Variants in MGAT4C observed in about 807,000 individuals in gnomAD.
MGAT4C encodes the protein MGAT4 family member C.
A neutral mutation model predicts 40.1 loss-of-function variants in MGAT4C; 19 were observed. That is an observed-to-expected ratio of 0.47 (90% CI 0.33 to 0.70). The LOEUF (loss-of-function observed/expected upper bound fraction) is 0.70, where lower values mean the gene tolerates loss of function less well. MGAT4C is among the 30% of genes least tolerant of loss of function. The pLI is 0.02. For missense variants in MGAT4C, 491 were observed against 563.2 expected (o/e 0.87, Z 1.30); for synonymous variants, 181 against 187.1 (o/e 0.97, Z 0.27).
At chr12:86,420,009 A>G (rs926362193) in intron 3 of MGAT4C, among the ~76,000 whole-genome samples, 2 of 48,562 alleles carry the variant, frequency 4.1e-5, no homozygotes, top group Admixed American at 5.0e-4. Flanking sequence ...TAAAGACCAT[A>G]ATTTTTTTTT....
intron 2 of MGAT4C, among the ~76,000 whole-genome samples, chr12:86,637,457 G>T (rs575263459): frequency 6.6e-6 from 1 of 151,938 alleles, no homozygotes; most frequent in African/African-American, 2.4e-5. Flanking sequence ...TTGAGTTTTA[G>T]CCTAGTAGCC....
intron 2 of MGAT4C, among the ~76,000 whole-genome samples, chr12:86,534,423 T>C (rs1959037280): frequency 6.6e-6 from 1 of 152,148 alleles, no homozygotes; most frequent in Non-Finnish European, 1.5e-5. Flanking sequence ...GATGTCTGCC[T>C]GTAACTTCTG....
intron 1 of MGAT4C, among the ~76,000 whole-genome samples, chr12:86,770,168 T>G (rs1951605577): frequency 6.6e-6 from 1 of 152,030 alleles, no homozygotes; most frequent in African/African-American, 2.4e-5. Flanking sequence ...AGAACGTTAG[T>G]ATTCTATGAA....
chr12:86,024,406 A>C (rs562150039), intron 2 of MGAT4C, among the ~76,000 whole-genome samples: 1 of 151,942 alleles, frequency 6.6e-6, no homozygotes, highest in South Asian at 2.1e-4. Context: ...TATAGAGCAA[A>C]AATTCTGGAA....
chr12:86,317,403 C>T (rs1013560124), intron 4 of MGAT4C, among the ~76,000 whole-genome samples: 7 of 151,964 alleles, frequency 4.6e-5, no homozygotes, highest in Non-Finnish European at 1.0e-4. Flanking sequence ...GATGTGTAAA[C>T]ATTTCTGGTA....
intron 1 of MGAT4C, among the ~76,000 whole-genome samples, chr12:86,137,833 C>G (rs1379699885): frequency 1.3e-5 from 2 of 152,122 alleles, no homozygotes; most frequent in Non-Finnish European, 2.9e-5. Context: ...ACAGACAGTA[C>G]GTGGGAGCCA....
At chr12:86,257,066 T>C (rs1383748451), upstream of MGAT4C, among the ~76,000 whole-genome samples, 2 of 152,308 alleles carry the variant, frequency 1.3e-5, no homozygotes, top group East Asian at 3.9e-4. Context: ...ATGTTAAATA[T>C]TGGTTTTTAC....
rs797007701 is a variant in MGAT4C, at chr12:86,685,290, G to A, written c.-229+41919C>T. Among the ~76,000 whole-genome samples the A allele has an allele frequency of 7.2e-5, 11 of 152,198 alleles. 1 individual carries two copies. Among genetic ancestry groups the A allele is most frequent in the African/African-American group, 2.4e-4 (10 of 41,514 alleles). On this transcript the variant is annotated intron_variant, in intron 2 of 7. Coordinates refer to the MGAT4C transcript ENST00000548651. ...TTTCCCAACACCATTTATTAAATAG[G>A]GAATCCTTTCCCCATTTCTTGTTTT... is the stretch of plus-strand genomic sequence containing the variant.
At chr12:86,492,656 T>C (rs1372844301) in intron 2 of MGAT4C, among the ~76,000 whole-genome samples, 1 of 152,132 alleles carries the variant, frequency 6.6e-6, no homozygotes, top group African/African-American at 2.4e-5. Flanking sequence ...TCAAGATGGA[T>C]TAAAGACTTA....
chr12:86,768,109 T>C (rs897714237), intron 1 of MGAT4C, among the ~76,000 whole-genome samples: 5 of 152,134 alleles, frequency 3.3e-5, no homozygotes, highest in Admixed American at 6.6e-5. Flanking sequence ...ATTGTATATC[T>C]AGAAAACCCC....
intron 2 of MGAT4C, among the ~76,000 whole-genome samples, chr12:86,460,865 A>T (rs1356876326): frequency 6.6e-6 from 1 of 152,182 alleles, no homozygotes; most frequent in Non-Finnish European, 1.5e-5. Flanking sequence ...AAACAAGGTT[A>T]TGACAGAAAT....
intron 2 of MGAT4C, among the ~76,000 whole-genome samples, chr12:86,449,150 C>T (rs1319468463): frequency 1.3e-5 from 2 of 152,054 alleles, no homozygotes; most frequent in Non-Finnish European, 2.9e-5. Context: ...TGTAACAATG[C>T]TGAATAAGTA....
intron 2 of MGAT4C, among the ~76,000 whole-genome samples, chr12:86,654,839 C>A (rs745921434): frequency 6.6e-6 from 1 of 150,532 alleles, no homozygotes; most frequent in Admixed American, 6.7e-5. Context: ...TAGGAAAATG[C>A]GGGGGATAAA....
chr12:85,987,189 T>C (rs1187996695), intron 3 of MGAT4C, among the ~76,000 whole-genome samples: 1 of 128,766 alleles, frequency 7.8e-6, no homozygotes, highest in South Asian at 2.7e-4. Context: ...CAGGCTGGAG[T>C]GCAGTGGCGG....
intron 1 of MGAT4C, among the ~76,000 whole-genome samples, chr12:86,184,484 T>A (rs1458210403): frequency 6.6e-6 from 1 of 152,110 alleles, no homozygotes; most frequent in African/African-American, 2.4e-5. Context: ...TTTGTCTTCT[T>A]TTCTCGAAAT....
chr12:86,101,911 C>A (rs913742526), intron 1 of MGAT4C, among the ~76,000 whole-genome samples: 1 of 151,894 alleles, frequency 6.6e-6, no homozygotes, highest in Non-Finnish European at 1.5e-5. Context: ...TTGAAAACCT[C>A]CTACTGAATT....
chr12:86,279,929 T>C (rs1303488238), intron 4 of MGAT4C, among the ~76,000 whole-genome samples: 1 of 152,096 alleles, frequency 6.6e-6, no homozygotes, highest in Non-Finnish European at 1.5e-5. Context: ...CATATGTTTG[T>C]ATAGTTTCCA....
intron 1 of MGAT4C, among the ~76,000 whole-genome samples, chr12:86,228,328 G>C (rs995756420): frequency 6.6e-6 from 1 of 151,798 alleles, no homozygotes; most frequent in Non-Finnish European, 1.5e-5. Context: ...TTTTACCTGA[G>C]TGCACCTCTA....
At chr12:86,703,862 G>A (rs1950407119) in intron 2 of MGAT4C, among the ~76,000 whole-genome samples, 1 of 152,034 alleles carries the variant, frequency 6.6e-6, no homozygotes, top group Non-Finnish European at 1.5e-5. Context: ...CATAAAAAGG[G>A]CTTAAATATT....
Sources: allele counts gnomAD v4.1 joint callset (sites outside exome capture counted in the v4.1 genomes callset), GRCh38; gene constraint gnomAD v4.1.1; transcripts MANE v1.5; gene names NCBI Gene and HGNC (gene_info 2026-07-23, HGNC 2026-07-21).